Variants in SLC9B2 observed in about 807,000 individuals in gnomAD.
The protein encoded by SLC9B2 is sodium/hydrogen exchanger 9B2.
SLC9B2 carries 39 observed loss-of-function variants against 52.2 expected under a neutral mutation model. That is an observed-to-expected ratio of 0.75 (90% CI 0.58 to 0.98). The LOEUF is 0.98. Ranked by LOEUF, SLC9B2 falls within the 50% of genes least tolerant of loss-of-function variation. The pLI, the probability that SLC9B2 is intolerant of heterozygous loss-of-function variation, is 0.00. For synonymous variants in SLC9B2, 214 were observed against 227.0 expected (o/e 0.94, Z 0.51); for missense variants, 626 against 637.5 (o/e 0.98, Z 0.19).
chr4:103,020,153 G>T (rs1306299853), downstream of SLC9B2: 1 of 294,702 alleles, frequency 3.4e-6, no homozygotes, highest in Non-Finnish European at 6.7e-6. Flanking sequence ...CGCTGTGGTG[G>T]TGGTGTGAGA....
chr4:103,036,244 G>A (rs1743161963), intron 9 of SLC9B2, among the ~76,000 whole-genome samples: 1 of 152,148 alleles, frequency 6.6e-6, no homozygotes, highest in African/African-American at 2.4e-5. Flanking sequence ...GGAGCTGGAG[G>A]CCATAATCCT....
chr4:103,077,121 G>A (rs1419784796), upstream of SLC9B2: 1 of 151,820 alleles, frequency 6.6e-6, no homozygotes, highest in African/African-American at 2.4e-5. Context: ...TTCCTCTTGT[G>A]TGTGTTAAGA....
chr4:103,061,469 T>C (rs2110647766), intron 3 of SLC9B2, among the ~76,000 whole-genome samples: 1 of 150,870 alleles, frequency 6.6e-6, no homozygotes, highest in African/African-American at 2.4e-5. Context: ...TGAGAACACA[T>C]GGACACAGGA....
At chr4:103,037,074 T>C (rs1192848327) in intron 9 of SLC9B2, among the ~76,000 whole-genome samples, 1 of 151,796 alleles carries the variant, frequency 6.6e-6, no homozygotes, top group Non-Finnish European at 1.5e-5. Flanking sequence ...GGTGAACTGA[T>C]GTGTCTACAT....
intron 9 of SLC9B2, among the ~76,000 whole-genome samples, chr4:103,038,663 A>C (rs1303279911): frequency 6.6e-6 from 1 of 152,232 alleles, no homozygotes; most frequent in Non-Finnish European, 1.5e-5. Flanking sequence ...TTGGAGGACC[A>C]ACAAAGGAGA....
In SLC9B2 at chr4:103,025,715, T is replaced by A. The variant is rs115231456; in HGVS notation, c.*655A>T. 7.1e-3 allele frequency: 1,084 copies of A among 152,230 alleles called. 13 individuals are homozygous for A. Among genetic ancestry groups the A allele is most frequent in the African/African-American group, 0.025 (1,031 of 41,470 alleles). 9.4% of individuals were successfully genotyped at this position (152,230 alleles called of 1,614,324 possible). On this transcript the variant is annotated 3_prime_UTR_variant, in exon 12 of 12. Coordinates refer to ENST00000394785, the MANE Select transcript of SLC9B2 (RefSeq NM_178833.7). ...GGGAAGGTAGACTCACATGGGCCAC[T>A]GAAATAAAGGAACCTGGGTGGTCAG... is the stretch of plus-strand genomic sequence containing the variant.
At chr4:103,075,973 C>A (rs1284253236) in intron 1 of SLC9B2, among the ~76,000 whole-genome samples, 1 of 152,218 alleles carries the variant, frequency 6.6e-6, no homozygotes, top group African/African-American at 2.4e-5. Flanking sequence ...AAAGGCAACA[C>A]CCCCTCTGGT....
At chr4:103,058,803 G>T (rs886383699) in intron 3 of SLC9B2, among the ~76,000 whole-genome samples, 1 of 151,116 alleles carries the variant, frequency 6.6e-6, no homozygotes, top group Non-Finnish European at 1.5e-5. Flanking sequence ...GGTGGTTTAT[G>T]CCTGTCCCAT....
chr4:103,031,821 T>C lies in SLC9B2; in HGVS notation c.1147-13A>G, dbSNP rs758272967. The C allele has an allele frequency of 6.2e-7, 1 of 1,603,352 alleles. No homozygotes were observed. The highest frequency in any genetic ancestry group is 1.1e-5 in the South Asian group (1 of 90,460). On this transcript the variant is annotated splice_polypyrimidine_tract_variant and intron_variant, in intron 9 of 11. Coordinates refer to ENST00000394785, the MANE Select transcript of SLC9B2 (RefSeq NM_178833.7). ...TTTCAACCTCTGCCTAAAATAACAA[T>C]AAAACACACACAGATTTTTATTATG...
At chr4:103,064,315 T>C (rs1277267101) in intron 3 of SLC9B2, among the ~76,000 whole-genome samples, 1 of 152,128 alleles carries the variant, frequency 6.6e-6, no homozygotes, top group Non-Finnish European at 1.5e-5. Flanking sequence ...TTTTCAGCCA[T>C]AAAAAAGAAT....
chr4:103,047,631 G>T (rs1744290127), intron 6 of SLC9B2, among the ~76,000 whole-genome samples: 1 of 146,522 alleles, frequency 6.8e-6, no homozygotes, highest in African/African-American at 2.5e-5. Flanking sequence ...ACCTATGAGT[G>T]AGAACATGTG....
intron 10 of SLC9B2, among the ~76,000 whole-genome samples, chr4:103,030,253 G>A (rs1200609701): frequency 6.6e-6 from 1 of 152,104 alleles, no homozygotes; most frequent in Non-Finnish European, 1.5e-5. Context: ...GGTTAGAGAA[G>A]TTATATAGAG....
chr4:103,068,213 A>C (rs1418814408), intron 1 of SLC9B2, among the ~76,000 whole-genome samples: 1 of 152,204 alleles, frequency 6.6e-6, no homozygotes, highest in African/African-American at 2.4e-5. Context: ...AGGAAAAATA[A>C]ATTTATACCA....
At chr4:103,068,537 T>A (rs915996946) in intron 1 of SLC9B2, among the ~76,000 whole-genome samples, 1 of 152,214 alleles carries the variant, frequency 6.6e-6, no homozygotes, top group Non-Finnish European at 1.5e-5. Context: ...ATAAAAGCCC[T>A]CTATTTAGGA....
At chr4:103,069,547 T>C (rs1746436732) in intron 1 of SLC9B2, among the ~76,000 whole-genome samples, 1 of 152,258 alleles carries the variant, frequency 6.6e-6, no homozygotes, top group South Asian at 2.1e-4. Flanking sequence ...TATTCCTTCT[T>C]CCTGATTATC....
intron 9 of SLC9B2, among the ~76,000 whole-genome samples, chr4:103,037,612 G>GA (rs1241432287): frequency 6.6e-6 from 1 of 152,166 alleles, no homozygotes; most frequent in African/African-American, 2.4e-5. Flanking sequence ...TCTATAGCAT[G>GA]AAAAATATTA....
At chr4:103,031,952 G>A in intron 9 of SLC9B2, 144 bp from the exon 10 acceptor site, 1 of 706,262 alleles carries the variant, frequency 1.4e-6, no homozygotes, top group Non-Finnish European at 2.3e-6. Context: ...AGCTAGAACA[G>A]AGCAAAAAAA....
intron 1 of SLC9B2, among the ~76,000 whole-genome samples, chr4:103,072,888 G>A (rs1284181882): frequency 6.6e-6 from 1 of 152,080 alleles, no homozygotes; most frequent in Admixed American, 6.5e-5. Context: ...GAGGTACTTT[G>A]GGGAAGTGAT....
intron 9 of SLC9B2, among the ~76,000 whole-genome samples, chr4:103,032,898 T>A (rs1742825345): frequency 6.6e-6 from 1 of 152,162 alleles, no homozygotes; most frequent in Non-Finnish European, 1.5e-5. Flanking sequence ...CAGGCAGGAA[T>A]GTGGAGGGTA....
Sources: allele counts gnomAD v4.1 joint callset (sites outside exome capture counted in the v4.1 genomes callset), GRCh38; gene constraint gnomAD v4.1.1; transcripts MANE v1.5; gene names NCBI Gene and HGNC (gene_info 2026-07-23, HGNC 2026-07-21).